The following LARS1 variants were observed in gnomAD, a reference collection of about 807,000 sequenced individuals.
The protein encoded by LARS1 is leucine--tRNA ligase, cytoplasmic.
LARS1 carries 100 observed loss-of-function variants against 162.8 expected under a neutral mutation model. That is an observed-to-expected ratio of 0.61 (90% confidence interval 0.52 to 0.73). The LOEUF is 0.73. Among genes scored for constraint, LARS1 ranks in the 30% least tolerant of loss-of-function variants. The pLI, the probability that LARS1 is intolerant of heterozygous loss-of-function variation, is 0.00. For missense variants in LARS1, 1,258 were observed against 1,408.9 expected (o/e 0.89, Z 1.71); for synonymous variants, 457 against 462.8 (o/e 0.99, Z 0.16).
chr5:146,122,556 T>C lies in LARS1; in HGVS notation c.3128A>G (p.Glu1043Gly). 1 of 1,610,354 alleles carries C rather than the reference T, an allele frequency of 6.2e-7. No homozygotes were observed. The highest frequency in any genetic ancestry group is 8.5e-7 in the Non-Finnish European group (1 of 1,177,436). The change falls in exon 30 of 32, where the codon GAA (glutamate) becomes GGA (glycine). Residue 1043 changes from glutamate (E) to glycine (G), a missense_variant. Physicochemically the swap from Glu to Gly is moderately conservative, Grantham distance 98. Coordinates refer to ENST00000394434, the MANE Select transcript of LARS1 (RefSeq NM_020117.11). The stretch of plus-strand genomic sequence containing the variant: ...GTCTTCCCTGATTTTATCTTCTGCT[T>C]CGGAGGCAAACTTGACTTCTATGTG... ...LEHIEVKFAS[E>G]AEDKIREDCC...
chr5:146,122,914 ATT>A (rs1284695417), intron 29 of LARS1, among the ~76,000 whole-genome samples: 1 of 152,044 alleles, frequency 6.6e-6, no homozygotes, highest in East Asian at 1.9e-4. Flanking sequence ...GAAATTTATC[ATT>A]TGAGAATAAA....
chr5:146,117,608 T>C (rs568118764), intron 31 of LARS1, among the ~76,000 whole-genome samples: 1 of 152,272 alleles, frequency 6.6e-6, no homozygotes, highest in East Asian at 1.9e-4. Flanking sequence ...AGACTCTATC[T>C]CAAAATAAGT....
chr5:146,115,046 G>GGGA (rs375865936), intron 31 of LARS1, among the ~76,000 whole-genome samples: 9 of 97,634 alleles, frequency 9.2e-5, no homozygotes, highest in African/African-American at 2.6e-4. Context: ...CTGTCGGGGG[G>GGGA]AAAAAAAAAA....
At position 146,143,245 on chromosome 5, in the gene LARS1, G is replaced by A; in HGVS notation, c.1878-161C>T. ...TCCATAAGAATGAAGAATAGATGAT[G>A]ACAGTAAGGGGCTATTTATTAATTT... On this transcript the variant is annotated intron_variant, in intron 19 of 31. Transcript: ENST00000394434. 4 of 882,464 alleles carry A rather than the reference G, an allele frequency of 4.5e-6. No homozygotes were observed. The South Asian group carries it at 6.5e-5, about 14-fold the overall frequency. 54.7% of individuals were successfully genotyped at this position (882,464 alleles called of 1,614,324 possible).
rs202189943 is a variant in LARS1, at chr5:146,132,906, A to T, written c.2388T>A (p.Val796=). ...SGPASTFNDR[V]FASELNAGII... ...TGGGATCTACAGATTACCTGGCAAA[A>T]ACTCTATCATTGAAAGTGCTGGCAG... The change falls in exon 23 of 32, where the codon GTT becomes GTA. Residue 796 remains valine, a synonymous_variant. Coordinates refer to ENST00000394434, the MANE Select transcript of LARS1 (RefSeq NM_020117.11). The T allele has an allele frequency of 1.9e-6, 3 of 1,613,164 alleles. No homozygotes were observed. In the East Asian group the frequency reaches 6.7e-5, roughly 36 times the overall value.
At chr5:146,141,115 C>A (rs745961482) in intron 20 of LARS1, among the ~76,000 whole-genome samples, 2 of 152,142 alleles carry the variant, frequency 1.3e-5, no homozygotes, top group Non-Finnish European at 2.9e-5. Context: ...AATTTTCAAA[C>A]TATGTACATG....
At chr5:146,116,391 A>AACAG (rs1764212244) in intron 31 of LARS1, among the ~76,000 whole-genome samples, 1 of 152,168 alleles carries the variant, frequency 6.6e-6, no homozygotes, top group Non-Finnish European at 1.5e-5. Flanking sequence ...CTCTGTCTAA[A>AACAG]ACAGACCTCC....
chr5:146,176,879 A>G (rs1333331053), intron 2 of LARS1, among the ~76,000 whole-genome samples: 1 of 152,206 alleles, frequency 6.6e-6, no homozygotes, highest in African/African-American at 2.4e-5. Context: ...CTTTGGAGAT[A>G]ATAATCGTCT....
chr5:146,177,967 G>C (rs1451187016), intron 1 of LARS1, among the ~76,000 whole-genome samples: 1 of 151,904 alleles, frequency 6.6e-6, no homozygotes, highest in Non-Finnish European at 1.5e-5. Context: ...GCGTGGTGGC[G>C]GGTACCTGTA....
At chr5:146,164,725 GGC>G (rs1753926365) in intron 5 of LARS1, among the ~76,000 whole-genome samples, 1 of 152,092 alleles carries the variant, frequency 6.6e-6, no homozygotes, top group Admixed American at 6.6e-5. Flanking sequence ...CTAAATGGAT[GGC>G]AACATAAAGA....
At chr5:146,137,833 T>C (rs924073209) in intron 21 of LARS1, 3 of 259,572 alleles carry the variant, frequency 1.2e-5, no homozygotes, top group Non-Finnish European at 1.5e-5. Flanking sequence ...CTTCTTAAAA[T>C]TGAAGGTGTT....
chr5:146,128,623 A>C (rs750565684), intron 27 of LARS1, 49 bp downstream of exon 27: 5 of 1,234,156 alleles, frequency 4.1e-6, no homozygotes, highest in South Asian at 3.1e-5. Context: ...AAAACAACAT[A>C]GGGAGCATAC....
chr5:146,150,197 T>C (rs1209618917), intron 14 of LARS1, among the ~76,000 whole-genome samples: 1 of 152,218 alleles, frequency 6.6e-6, no homozygotes, highest in East Asian at 1.9e-4. Context: ...AATAACATTC[T>C]AGGGCAAAGT....
At chr5:146,117,553 T>C (rs1275549533) in intron 31 of LARS1, among the ~76,000 whole-genome samples, 2 of 152,188 alleles carry the variant, frequency 1.3e-5, no homozygotes, top group Admixed American at 6.5e-5. Flanking sequence ...GAGGTTGCAG[T>C]GAGCTGAGAT....
chr5:146,170,922 G>A (rs774410649), intron 4 of LARS1, among the ~76,000 whole-genome samples: 9 of 151,752 alleles, frequency 5.9e-5, no homozygotes, highest in East Asian at 3.9e-4. Flanking sequence ...AGAAAAGCAC[G>A]CATGCATGCA....
intron 22 of LARS1, among the ~76,000 whole-genome samples, chr5:146,135,297 G>A (rs1433929685): frequency 3.3e-5 from 5 of 151,744 alleles, no homozygotes; most frequent in South Asian, 4.2e-4. Flanking sequence ...GATTACAGGC[G>A]TGAGCCACCG....
chr5:146,157,855 A>T (rs1458702588), intron 8 of LARS1, 60 bp from the exon 9 acceptor site: 2 of 1,499,180 alleles, frequency 1.3e-6, no homozygotes, highest in Admixed American at 3.4e-5. Flanking sequence ...TAAACCTACT[A>T]ATCTATGTGA....
chr5:146,148,975 T>C (rs967581849), intron 15 of LARS1, among the ~76,000 whole-genome samples: 4 of 152,146 alleles, frequency 2.6e-5, no homozygotes, highest in African/African-American at 9.7e-5. Flanking sequence ...CTCAGGAGGC[T>C]GAGGCAGGAG....
At chr5:146,171,676 G>T (rs962043117) in intron 4 of LARS1, among the ~76,000 whole-genome samples, 4 of 152,050 alleles carry the variant, frequency 2.6e-5, no homozygotes, top group African/African-American at 9.7e-5. Context: ...AAATACACAA[G>T]GTAACCAAAA....
Sources: allele counts gnomAD v4.1 joint callset (sites outside exome capture counted in the v4.1 genomes callset), GRCh38; gene constraint gnomAD v4.1.1; transcripts MANE v1.5; gene names NCBI Gene and HGNC (gene_info 2026-07-23, HGNC 2026-07-21).